The following VPS13B variants were observed in gnomAD, a reference collection of about 807,000 sequenced individuals.
The protein encoded by VPS13B is intermembrane lipid transfer protein VPS13B.
A neutral mutation model predicts 426.4 loss-of-function variants in VPS13B; 285 were observed. That is an observed-to-expected ratio of 0.67 (90% CI 0.61 to 0.74). The LOEUF is 0.74. Among genes scored for constraint, VPS13B ranks in the 30% least tolerant of loss-of-function variants. VPS13B has a pLI of 0.00. For synonymous variants in VPS13B, 1,676 were observed against 1,676.4 expected, an observed-to-expected ratio of 1.00 and a Z score of 0.01; for missense variants, 4,537 against 4,782.6, an observed-to-expected ratio of 0.95 and a Z score of 1.51.
In VPS13B at chr8:99,178,744, C is replaced by T. The variant is rs183175532; in HGVS notation, c.2333+8581C>T. 1.3e-4 allele frequency among the ~76,000 whole-genome samples: 20 copies of T among 152,172 alleles called. No homozygotes were observed. The East Asian group carries it at 3.9e-3, about 29-fold the overall frequency. On this transcript the variant is annotated intron_variant, in intron 16 of 61. Transcript: ENST00000357162. ...TCAAGCGATTCTCCTGCCTCAGCCT[C>T]CCAAGTAGCTGTAATTACAGATGTG...
Position 99,871,566 on chromosome 8 carries a change from G to T in VPS13B, c.11614G>T (p.Val3872Leu), listed in dbSNP as rs574447837. 2 of 1,614,094 alleles carry T rather than the reference G, an allele frequency of 1.2e-6. No individual in the cohort carries two copies. Among genetic ancestry groups the T allele is most frequent in the Admixed American group, 3.3e-5 (2 of 60,006 alleles). ...CLLLTSEVLF[V>L]VSVSEDTQQQ... is the part of the protein sequence containing the mutation. ...GCTGCTGACATCAGAAGTGCTCTTC[G>T]TGGTGAGTGTCAGTGAGGACACACA... is the stretch of plus-strand genomic sequence containing the variant. The change falls in exon 61 of 62, where the codon GTG becomes TTG. Residue 3872 changes from valine to leucine, a missense_variant. By Grantham distance (32) the Val-to-Leu change is conservative. Around this residue, in one of 2 missense-constraint regions of VPS13B, gnomAD observed 4,311 missense variants for 4,474.3 expected, o/e 0.96. Transcript: ENST00000357162.
chr8:99,819,721 T>C (rs527727881), intron 48 of VPS13B, 139 bp downstream of exon 48: 1 of 1,238,906 alleles, frequency 8.1e-7, no homozygotes, highest in Non-Finnish European at 1.1e-6. Flanking sequence ...TAGGTGTATT[T>C]TGTAGATTTC....
At chr8:99,765,128 C>T (rs1329885322) in intron 39 of VPS13B, among the ~76,000 whole-genome samples, 1 of 152,060 alleles carries the variant, frequency 6.6e-6, no homozygotes, top group East Asian at 1.9e-4. Flanking sequence ...TGCCTGTAAT[C>T]CCAGCTACTC....
chr8:99,813,292 C>T (rs1813829080), intron 44 of VPS13B, among the ~76,000 whole-genome samples: 1 of 152,136 alleles, frequency 6.6e-6, no homozygotes, highest in Non-Finnish European at 1.5e-5. Context: ...CCAAGAGGAT[C>T]TTTGTCTTTA....
At chr8:99,241,514 A>C (rs1318193934) in intron 17 of VPS13B, 1 of 152,182 alleles carries the variant, frequency 6.6e-6, no homozygotes. Context: ...CTATTTTTCA[A>C]GTACATTTGA....
chr8:99,397,330 A>G (rs2133326355), intron 21 of VPS13B, among the ~76,000 whole-genome samples: 1 of 152,094 alleles, frequency 6.6e-6, no homozygotes, highest in East Asian at 1.9e-4. Context: ...TTTTTAGTAG[A>G]GACGGGGTTT....
chr8:99,549,536 CAG>C (rs1824165448), intron 30 of VPS13B, among the ~76,000 whole-genome samples: 1 of 152,076 alleles, frequency 6.6e-6, no homozygotes, highest in Non-Finnish European at 1.5e-5. Context: ...ATAATTAAGA[CAG>C]AAACCCAGGT....
At chr8:99,358,495 A>C (rs912006076) in intron 19 of VPS13B, among the ~76,000 whole-genome samples, 3 of 152,200 alleles carry the variant, frequency 2.0e-5, no homozygotes, top group Non-Finnish European at 4.4e-5. Context: ...TTTACACATA[A>C]AATACCGTAA....
At chr8:99,604,896 G>C (rs1827502232) in intron 33 of VPS13B, among the ~76,000 whole-genome samples, 1 of 152,134 alleles carries the variant, frequency 6.6e-6, no homozygotes, top group Non-Finnish European at 1.5e-5. Context: ...GAATTCTTCT[G>C]TTCAAGGGAT....
intron 35 of VPS13B, among the ~76,000 whole-genome samples, chr8:99,675,821 C>G (rs2129929653): frequency 6.6e-6 from 1 of 151,946 alleles, no homozygotes; most frequent in South Asian, 2.1e-4. Flanking sequence ...TCTTAAATTT[C>G]TCATTCTGGT....
chr8:99,300,044 A>C (rs983533301), intron 19 of VPS13B, among the ~76,000 whole-genome samples: 1 of 152,200 alleles, frequency 6.6e-6, no homozygotes, highest in African/African-American at 2.4e-5. Context: ...TTCTGTTTAC[A>C]AGATCAAACC....
In VPS13B at chr8:99,390,100, A is replaced by AT. The variant is rs796834281; in HGVS notation, c.2935-1442dup. ...TTTATTTAATCTTTTCTCATTTTAA[A>AT]TTTTTTTTTTTTTTTGAGATGGAGT... On this transcript the variant is annotated intron_variant, in intron 20 of 61. Coordinates refer to ENST00000357162, the MANE Select transcript of VPS13B (RefSeq NM_152564.5). Among the ~76,000 whole-genome samples the AT allele has an allele frequency of 7.6e-3, 1,098 of 144,046 alleles. 4 individuals carry two copies. The highest frequency in any genetic ancestry group is 0.01 in the Admixed American group (147 of 14,344). The allele number at this position is 144,046 out of a possible 152,430, so 94.5% of individuals were successfully genotyped here. A position where few individuals can be genotyped will look rare whatever the true frequency, so the allele number is the denominator to read the frequency against.
At chr8:99,396,872 A>T (rs940095654) in intron 21 of VPS13B, among the ~76,000 whole-genome samples, 7 of 152,094 alleles carry the variant, frequency 4.6e-5, no homozygotes, top group Non-Finnish European at 8.8e-5. Flanking sequence ...TTTGGCCTTG[A>T]TATATCCTTA....
chr8:99,586,334 T>C (rs1826299410), intron 33 of VPS13B, among the ~76,000 whole-genome samples: 1 of 152,166 alleles, frequency 6.6e-6, no homozygotes, highest in Non-Finnish European at 1.5e-5. Context: ...GTTCATTTAT[T>C]TGCCATCCAC....
chr8:99,802,214 G>A (rs577577324), intron 43 of VPS13B, among the ~76,000 whole-genome samples: 1 of 151,470 alleles, frequency 6.6e-6, no homozygotes, highest in South Asian at 2.1e-4. Context: ...GCATTAAATG[G>A]CTCCTAAGAA....
chr8:99,505,518 G>A (rs1295972940), intron 27 of VPS13B, among the ~76,000 whole-genome samples: 1 of 152,116 alleles, frequency 6.6e-6, no homozygotes, highest in African/African-American at 2.4e-5. Context: ...AAATAGTGGG[G>A]TCAGTGGAGC....
At chr8:99,331,724 T>A (rs2133156298) in intron 19 of VPS13B, among the ~76,000 whole-genome samples, 1 of 151,834 alleles carries the variant, frequency 6.6e-6, no homozygotes, top group Non-Finnish European at 1.5e-5. Flanking sequence ...TTGGTGTAGG[T>A]TAAATTGTAA....
chr8:99,461,227 G>A (rs536476758), intron 23 of VPS13B, among the ~76,000 whole-genome samples: 67 of 151,872 alleles, frequency 4.4e-4, no homozygotes, highest in African/African-American at 1.5e-3. Context: ...GCCCCATTAC[G>A]AGTAAGGAAA....
chr8:99,191,390 T>G (rs1282086965), intron 16 of VPS13B, among the ~76,000 whole-genome samples: 1 of 139,510 alleles, frequency 7.2e-6, no homozygotes, highest in Non-Finnish European at 1.6e-5. Context: ...TTTTTTTTTT[T>G]TTTTTTTTTT....
Sources: gnomAD v4.1 joint callset for allele counts (sites outside exome capture counted in the v4.1 genomes callset) on GRCh38, gnomAD v4.1.1 for gene constraint, gnomAD v4.1.1 regional missense constraint, MANE v1.5 for transcripts, NCBI Gene and HGNC (gene_info 2026-07-23, HGNC 2026-07-21) for gene names.